Variants in XPO6 observed in about 807,000 individuals in gnomAD.
XPO6 encodes the protein exportin 6.
A neutral mutation model predicts 130.0 loss-of-function variants in XPO6; 3 were observed. The observed-to-expected ratio is 0.02, with a 90% CI of 0.01 to 0.06. The LOEUF (loss-of-function observed/expected upper bound fraction) is 0.06, where lower values mean the gene tolerates loss of function less well. XPO6 is among the 10% of genes least tolerant of loss of function. The pLI, the probability that XPO6 is intolerant of heterozygous loss-of-function variation, is 1.00. For missense variants in XPO6, 970 were observed against 1,393.0 expected, an observed-to-expected ratio of 0.70 and a Z score of 4.83; for synonymous variants, 524 against 548.9, an observed-to-expected ratio of 0.95 and a Z score of 0.63.
At chr16:28,181,142 T>G (rs1490258239) in intron 1 of XPO6, 111 bp from the exon 2 acceptor site, 2 of 801,670 alleles carry the variant, frequency 2.5e-6, no homozygotes, top group African/African-American at 3.5e-5. Context: ...CCTCAAAATC[T>G]TGGTTCAACA....
intron 1 of XPO6, among the ~76,000 whole-genome samples, chr16:28,205,109 G>C (rs970820140): frequency 2.6e-5 from 4 of 152,002 alleles, no homozygotes; most frequent in Non-Finnish European, 5.9e-5. Flanking sequence ...ACCAAGTACA[G>C]GCCACTCCTT....
chr16:28,158,824 T>G (rs2043224189), intron 6 of XPO6, among the ~76,000 whole-genome samples: 2 of 152,212 alleles, frequency 1.3e-5, no homozygotes, highest in African/African-American at 4.8e-5. Context: ...GTGATTCTTA[T>G]GCTTGCTTGA....
chr16:28,177,981 CG>C, intron 2 of XPO6, among the ~76,000 whole-genome samples: 1 of 152,276 alleles, frequency 6.6e-6, no homozygotes, highest in South Asian at 2.1e-4. Flanking sequence ...TGGTTAGAAA[CG>C]GTTTTCCTCC....
At position 28,163,673 on chromosome 16, in the gene XPO6, C is replaced by G. The variant is rs138260065; in HGVS notation, c.643+2835G>C. On this transcript the variant is annotated intron_variant, in intron 6 of 23. Coordinates refer to ENST00000304658, the MANE Select transcript of XPO6 (RefSeq NM_015171.4). ...CCTTTTTTAAAGTCAAGGACATCAG[C>G]GGTCAGAGAAGGTGAAGGATCCACT... Among the ~76,000 whole-genome samples the G allele has an allele frequency of 3.3e-3, 504 of 152,236 alleles. 2 individuals are homozygous for G. Among genetic ancestry groups the G allele is most frequent in the Non-Finnish European group, 6.1e-3 (412 of 68,024 alleles).
At chr16:28,130,346 A>C (rs530857056) in intron 12 of XPO6, among the ~76,000 whole-genome samples, 1 of 152,350 alleles carries the variant, frequency 6.6e-6, no homozygotes, top group Admixed American at 6.5e-5. Flanking sequence ...AAGTAAATGC[A>C]AATGAAGGAA....
intron 1 of XPO6, among the ~76,000 whole-genome samples, chr16:28,181,453 T>C (rs2043613253): frequency 6.6e-6 from 1 of 152,054 alleles, no homozygotes; most frequent in Non-Finnish European, 1.5e-5. Flanking sequence ...ATATTTTGAT[T>C]CACAGCACTT....
chr16:28,124,058 C>CT (rs5816463), intron 13 of XPO6, among the ~76,000 whole-genome samples: 38,381 of 138,204 alleles, frequency 0.28, 5,522 homozygotes, highest in Middle Eastern at 0.31. Flanking sequence ...ACAGATATAC[C>CT]TTTTTTTTTT....
intron 7 of XPO6, chr16:28,154,451 G>C: frequency 3.7e-6 from 1 of 268,144 alleles, no homozygotes; most frequent in African/African-American, 2.3e-5. Flanking sequence ...AAAGTTAGGG[G>C]AAAAGGCAGT....
intron 1 of XPO6, among the ~76,000 whole-genome samples, chr16:28,204,897 G>C (rs2044004233): frequency 6.6e-6 from 1 of 152,138 alleles, no homozygotes; most frequent in Non-Finnish European, 1.5e-5. Flanking sequence ...CTTGATAAGT[G>C]AGATTAAGAG....
At chr16:28,177,482 A>C in intron 2 of XPO6, 150 bp from the exon 3 acceptor site, 1 of 525,874 alleles carries the variant, frequency 1.9e-6, no homozygotes, top group Non-Finnish European at 3.4e-6. Flanking sequence ...GAAAGAATAA[A>C]TCATACAATA....
At chr16:28,099,169 C>T (rs2086599588) in intron 23 of XPO6, among the ~76,000 whole-genome samples, 1 of 152,210 alleles carries the variant, frequency 6.6e-6, no homozygotes, top group African/African-American at 2.4e-5. Flanking sequence ...CCCTCGAGAG[C>T]CACCCGAGCA....
chr16:28,149,189 G>T (rs2043041742), intron 8 of XPO6, among the ~76,000 whole-genome samples: 1 of 152,028 alleles, frequency 6.6e-6, no homozygotes, highest in Non-Finnish European at 1.5e-5. Context: ...GAACAAGAAG[G>T]AAGTGGTGAG....
intron 5 of XPO6, among the ~76,000 whole-genome samples, chr16:28,168,794 T>C (rs898204281): frequency 3.3e-5 from 5 of 151,114 alleles, no homozygotes; most frequent in South Asian, 4.2e-4. Flanking sequence ...TTTTTTTTTT[T>C]CCAGAAATGG....
intron 1 of XPO6, among the ~76,000 whole-genome samples, chr16:28,199,832 C>T (rs2043928179): frequency 6.6e-6 from 1 of 151,972 alleles, no homozygotes; most frequent in Admixed American, 6.5e-5. Flanking sequence ...GCATGAGCCA[C>T]TGCACCTGGC....
chr16:28,187,519 G>A (rs2043714504), intron 1 of XPO6, among the ~76,000 whole-genome samples: 1 of 151,890 alleles, frequency 6.6e-6, no homozygotes, highest in South Asian at 2.1e-4. Flanking sequence ...AGTGGGGACA[G>A]TAAAAGTACC....
chr16:28,116,424 T>G (rs1362140550), intron 15 of XPO6, among the ~76,000 whole-genome samples: 1 of 148,946 alleles, frequency 6.7e-6, no homozygotes, highest in Non-Finnish European at 1.5e-5. Context: ...ATCACGCCAC[T>G]GCACTCCAGC....
chr16:28,188,474 G>A (rs1264780479), intron 1 of XPO6, among the ~76,000 whole-genome samples: 1 of 152,062 alleles, frequency 6.6e-6, no homozygotes, highest in Non-Finnish European at 1.5e-5. Context: ...GTATATAAAG[G>A]TTTCGAAGAA....
intron 23 of XPO6, among the ~76,000 whole-genome samples, chr16:28,099,775 C>T (rs2086615952): frequency 6.6e-6 from 1 of 152,196 alleles, no homozygotes; most frequent in Non-Finnish European, 1.5e-5. Flanking sequence ...ACTGGTGCCC[C>T]AGTTCCTGGC....
intron 1 of XPO6, among the ~76,000 whole-genome samples, chr16:28,210,168 C>A (rs2044102862): frequency 6.6e-6 from 1 of 152,156 alleles, no homozygotes; most frequent in African/African-American, 2.4e-5. Flanking sequence ...ATACGTATAG[C>A]ATATACTGTA....
Sources: gnomAD v4.1 joint callset for allele counts (sites outside exome capture counted in the v4.1 genomes callset) on GRCh38, gnomAD v4.1.1 for gene constraint, MANE v1.5 for transcripts, NCBI Gene and HGNC (gene_info 2026-07-23, HGNC 2026-07-21) for gene names.